Variants in TMEM80 observed in about 807,000 individuals in gnomAD.
TMEM80 encodes the protein transmembrane protein 80.
In TMEM80, 16 loss-of-function variants were observed where a neutral mutation model predicts 13.6. The observed-to-expected ratio is 1.17, with a 90% confidence interval of 0.79 to 1.78. The LOEUF is 1.78. TMEM80 is among the 40% of genes most tolerant of loss of function. TMEM80 has a pLI of 0.00. For missense variants in TMEM80, 167 were observed against 184.6 expected, an observed-to-expected ratio of 0.90 and a Z score of 0.55; for synonymous variants, 92 against 89.5, an observed-to-expected ratio of 1.03 and a Z score of -0.16.
At position 700,225 on chromosome 11, in the gene TMEM80, C is replaced by G. The variant is rs748320800; in HGVS notation, c.123C>G (p.Ile41Met). The change falls in exon 3 of 5, where the codon ATC becomes ATG. Residue 41 changes from isoleucine (I) to methionine (M), a missense_variant. By Grantham distance (10) the Ile-to-Met change is conservative. Coordinates refer to ENST00000397510, the MANE Select transcript of TMEM80 (RefSeq NM_001042463.3). ...ATTTCCTCGCCACGCTCCTGATGAT[C>G]ACGTATAAAAGTAAGTCAGGGACGG... is the stretch of plus-strand genomic sequence containing the variant. ...ALYFLATLLM[I>M]TYKSQVFSYP... 1.2e-6 allele frequency: 2 copies of G among 1,613,750 alleles called. No individual in the cohort carries two copies. The highest frequency in any genetic ancestry group is 2.2e-5 in the South Asian group (2 of 91,080).
chr11:698,920 C>G, intron 2 of TMEM80, 32 bp downstream of exon 2: 1 of 1,613,824 alleles, frequency 6.2e-7, no homozygotes, highest in Non-Finnish European at 8.5e-7. Context: ...CAGGACAGCA[C>G]CCAGAGGCCC....
chr11:700,856 C>T (rs568199486), intron 4 of TMEM80, 149 bp downstream of exon 4: 79 of 752,838 alleles, frequency 1.0e-4, no homozygotes, highest in Middle Eastern at 8.8e-4. Flanking sequence ...GCTCACCTTA[C>T]AGTGTCATTA....
intron 1 of TMEM80, 33 bp downstream of exon 1, chr11:695,879 T>G: frequency 1.6e-6 from 2 of 1,221,200 alleles, no homozygotes; most frequent in Non-Finnish European, 2.0e-6. Flanking sequence ...CTTCCGGGCT[T>G]GCAGCGGCGG....
At position 703,462 on chromosome 11, in the gene TMEM80, A is replaced by G; in HGVS notation, c.*312A>G. ...CTGGCTTTAGCAGCCAGGCCTCCAC[A>G]GACCCCCATGGGCCCCCAGGGCCGA... On this transcript the variant is annotated 3_prime_UTR_variant, in exon 5 of 5. Coordinates refer to ENST00000397510, the MANE Select transcript of TMEM80 (RefSeq NM_001042463.3). 7.9e-7 allele frequency: 1 copy of G among 1,270,086 alleles called. No homozygotes were observed. 78.7% of individuals were successfully genotyped at this position (1,270,086 alleles called of 1,614,324 possible).
chr11:703,077 G>GCGC lies in TMEM80; in HGVS notation c.361_363dup (p.Ala121dup). ...GTGTTGTGGGCGGACTGGGCCCTCA[G>GCGC]CGCCACGCTCCTGGCCCTTCACGGC... is the stretch of plus-strand genomic sequence containing the variant. On this transcript the variant is annotated inframe_insertion, in exon 5 of 5. Coordinates refer to ENST00000397510, the MANE Select transcript of TMEM80 (RefSeq NM_001042463.3). 6.2e-7 allele frequency: 1 copy of GCGC among 1,612,660 alleles called. No homozygotes were observed.
intron 4 of TMEM80, 117 bp downstream of exon 4, chr11:700,824 T>C: frequency 1.0e-6 from 1 of 978,166 alleles, no homozygotes; most frequent in Non-Finnish European, 1.7e-6. Flanking sequence ...TTATCCAAAC[T>C]GCTTACCCAG....
chr11:701,119 G>A (rs959243824), intron 4 of TMEM80: 4 of 215,268 alleles, frequency 1.9e-5, no homozygotes, highest in Non-Finnish European at 3.8e-5. Context: ...GAGTCTGGAG[G>A]GGTGGGAGCC....
Position 703,728 on chromosome 11 carries a change from A to G in TMEM80, c.*578A>G. 1 of 1,232,596 alleles carries G rather than the reference A, an allele frequency of 8.1e-7. No homozygotes were observed. The highest frequency in any genetic ancestry group is 1.0e-6 in the Non-Finnish European group (1 of 988,650). 76.4% of individuals were successfully genotyped at this position (1,232,596 alleles called of 1,614,324 possible). A position where few individuals can be genotyped will look rare whatever the true frequency, so the allele number is the denominator to read the frequency against. On this transcript the variant is annotated 3_prime_UTR_variant, in exon 5 of 5. Transcript: ENST00000397510. Reference sequence around the variant, plus strand: ...GCAAGAGTGGACTCTGGGTTCCTAAAGCAATAAATGCAAACAAGCCAACAG... The same window carrying G: ...GCAAGAGTGGACTCTGGGTTCCTAAGGCAATAAATGCAAACAAGCCAACAG...
Position 703,069 on chromosome 11 carries a change from G to C in TMEM80, c.351G>C (p.Trp117Cys). Reference sequence around the variant, plus strand: ...AGGCCCTAGTGTTGTGGGCGGACTGGGCCCTCAGCGCCACGCTCCTGGCCC... The same window carrying C: ...AGGCCCTAGTGTTGTGGGCGGACTGCGCCCTCAGCGCCACGCTCCTGGCCC... ...LWQALVLWAD[W>C]ALSATLLALH... Residue 117 changes from tryptophan (W) to cysteine (C), a missense_variant, in exon 5 of 5, where the codon TGG becomes TGC. Transcript: ENST00000397510. 1 of 1,612,708 alleles carries C rather than the reference G, an allele frequency of 6.2e-7. No individual in the cohort carries two copies. Among genetic ancestry groups the C allele is most frequent in the Non-Finnish European group, 8.5e-7 (1 of 1,179,752 alleles).
rs1370191743 is a variant in TMEM80, at chr11:698,857, T to A, written c.20-12T>A. 3 of 1,613,990 alleles carry A rather than the reference T, an allele frequency of 1.9e-6. No individual in the cohort carries two copies. In the South Asian group the frequency reaches 3.3e-5, roughly 18 times the overall value. Reference sequence around the variant, plus strand: ...GCTGTCAGGCCTTGCTCACGGCCCCTTTCTCTTTCAGGGAGAGGATCCTCC... The same window carrying A: ...GCTGTCAGGCCTTGCTCACGGCCCCATTCTCTTTCAGGGAGAGGATCCTCC... On this transcript the variant is annotated splice_polypyrimidine_tract_variant and intron_variant, in intron 1 of 4. Coordinates refer to ENST00000397510, the MANE Select transcript of TMEM80 (RefSeq NM_001042463.3).
rs181123341 is a variant in TMEM80 at position 700,437 on chromosome 11, G to A, written c.134-178G>A. ...AGCTACTCGGGAGACTGAGGTGGGAGGATTGCTTGAACCCGGGAGGTGGAG... is the reference window on the plus strand; with the variant it reads ...AGCTACTCGGGAGACTGAGGTGGGAAGATTGCTTGAACCCGGGAGGTGGAG... On this transcript the variant is annotated intron_variant, in intron 3 of 4. Coordinates refer to ENST00000397510, the MANE Select transcript of TMEM80 (RefSeq NM_001042463.3). 2.9e-3 allele frequency among the ~76,000 whole-genome samples: 447 copies of A among 152,076 alleles called. 1 individual carries two copies. The highest frequency in any genetic ancestry group is 0.017 in the Middle Eastern group (5 of 292).
At chr11:699,142 C>T in intron 2 of TMEM80, 1 of 499,256 alleles carries the variant, frequency 2.0e-6, no homozygotes, top group South Asian at 3.5e-5. Flanking sequence ...AAGGCGATGG[C>T]CACCTGCCTC....
chr11:702,943 A>G lies in TMEM80; in HGVS notation c.227-2A>G, dbSNP rs755408309. On this transcript the variant is annotated splice_acceptor_variant, in intron 4 of 4. Coordinates refer to ENST00000397510, the MANE Select transcript of TMEM80 (RefSeq NM_001042463.3). LOFTEE classifies it high-confidence loss of function. The stretch of plus-strand genomic sequence containing the variant: ...TTCCCTCCCCTTTGCTCTGTTCTCC[A>G]GGCACCAGGGGCAACCTGACAGAGG... The G allele has an allele frequency of 6.2e-7, 1 of 1,604,348 alleles. No individual in the cohort carries two copies. The highest frequency in any genetic ancestry group is 8.5e-7 in the Non-Finnish European group (1 of 1,175,072).
downstream of TMEM80, chr11:704,179 C>G: frequency 9.3e-7 from 1 of 1,076,116 alleles, no homozygotes; most frequent in Non-Finnish European, 1.2e-6. Context: ...TTCTCCTGCC[C>G]TGCAAGAGAG....
At chr11:704,589 T>C (rs985680890), downstream of TMEM80, 6 of 1,276,906 alleles carry the variant, frequency 4.7e-6, no homozygotes, top group African/African-American at 4.6e-5. Context: ...CCACAAACCA[T>C]GCAGACCAGG....
chr11:696,908 C>G (rs929845215), intron 1 of TMEM80, among the ~76,000 whole-genome samples: 1 of 151,920 alleles, frequency 6.6e-6, no homozygotes, highest in Admixed American at 6.6e-5. Context: ...GGAGAAACCC[C>G]GTCTCTACTA....
At chr11:697,004 G>A (rs557993894) in intron 1 of TMEM80, among the ~76,000 whole-genome samples, 74 of 150,536 alleles carry the variant, frequency 4.9e-4, no homozygotes, top group African/African-American at 1.6e-3. Context: ...GCTCGAACCC[G>A]GTGGTGGTGG....
intron 4 of TMEM80, 146 bp downstream of exon 4, chr11:700,853 T>G: frequency 2.6e-6 from 2 of 764,652 alleles, no homozygotes; most frequent in Non-Finnish European, 4.7e-6. Flanking sequence ...CAGGCTCACC[T>G]TACAGTGTCA....
At chr11:704,474 A>G (rs960674167), downstream of TMEM80, 8 of 1,288,846 alleles carry the variant, frequency 6.2e-6, no homozygotes, top group Non-Finnish European at 8.1e-6. Flanking sequence ...AGCCCTGAGG[A>G]CCCACTTCAC....
Sources: allele counts gnomAD v4.1 joint callset (sites outside exome capture counted in the v4.1 genomes callset), GRCh38; gene constraint gnomAD v4.1.1; transcripts MANE v1.5; gene names NCBI Gene and HGNC (gene_info 2026-07-23, HGNC 2026-07-21).